Variants in SUMF1 observed in about 807,000 individuals in gnomAD.
The protein encoded by SUMF1 is sulfatase modifying factor 1.
A neutral mutation model predicts 47.6 loss-of-function variants in SUMF1; 48 were observed. The observed-to-expected ratio is 1.01, with a 90% CI of 0.80 to 1.28. The LOEUF is 1.28. Among genes scored for constraint, SUMF1 ranks in the 50% most tolerant of loss-of-function variants. SUMF1 has a pLI of 0.00. For synonymous variants in SUMF1, 230 were observed against 192.1 expected (o/e 1.20, Z -1.63); for missense variants, 571 against 485.4 (o/e 1.18, Z -1.66).
At chr3:4,113,767 A>G (rs1342877464) in intron 8 of SUMF1, among the ~76,000 whole-genome samples, 1 of 152,056 alleles carries the variant, frequency 6.6e-6, no homozygotes, top group Non-Finnish European at 1.5e-5. Flanking sequence ...CCACTCCCAG[A>G]TCAGGATCAG....
rs79047813 is a variant in SUMF1 at position 4,119,930 on chromosome 3, A to G, written c.1015-51185T>C. On this transcript the variant is annotated intron_variant and NMD_transcript_variant, in intron 8 of 12. Transcript: ENST00000448413. ...AAAAAAGTTGCAATATTGTTACACTATCACTCCTTTATACTTGAACTTACA... is the reference window on the plus strand; with the variant it reads ...AAAAAAGTTGCAATATTGTTACACTGTCACTCCTTTATACTTGAACTTACA... Among the ~76,000 whole-genome samples the G allele has an allele frequency of 3.2e-3, 492 of 152,236 alleles. 14 individuals carry two copies. Among genetic ancestry groups the G allele is most frequent in the African/African-American group, 0.011 (461 of 41,502 alleles).
At chr3:4,147,626 C>T (rs1694225883) in intron 8 of SUMF1, among the ~76,000 whole-genome samples, 1 of 152,054 alleles carries the variant, frequency 6.6e-6, no homozygotes, top group Non-Finnish European at 1.5e-5. Flanking sequence ...AAGCTATGTG[C>T]CACACCTACA....
rs969392989 is a variant in SUMF1, at chr3:4,181,307, C to T, written c.1015-112562G>A. Among the ~76,000 whole-genome samples, 8 of 152,286 alleles carry T rather than the reference C, an allele frequency of 5.3e-5. No homozygotes were observed. In the East Asian group the frequency reaches 9.6e-4, roughly 18 times the overall value. Reference sequence around the variant, plus strand: ...CCTCATTCCTAGTTTGTACAACACCCGGATGAACCCTCTGCCAGCTCAGTG... The same window carrying T: ...CCTCATTCCTAGTTTGTACAACACCTGGATGAACCCTCTGCCAGCTCAGTG... On this transcript the variant is annotated intron_variant and NMD_transcript_variant, in intron 8 of 12. Transcript: ENST00000448413.
At chr3:4,145,876 T>C (rs964107494) in intron 8 of SUMF1, among the ~76,000 whole-genome samples, 2 of 152,136 alleles carry the variant, frequency 1.3e-5, no homozygotes, top group African/African-American at 4.8e-5. Flanking sequence ...TTTCCCCCCG[T>C]CTACAGCTTT....
At chr3:4,063,727 G>A (rs1017127917) in intron 9 of SUMF1, among the ~76,000 whole-genome samples, 1 of 151,996 alleles carries the variant, frequency 6.6e-6, no homozygotes, top group African/African-American at 2.4e-5. Context: ...AAGACACCAG[G>A]CACTATTCTA....
intron 8 of SUMF1, among the ~76,000 whole-genome samples, chr3:4,179,813 C>G (rs547773203): frequency 1.2e-4 from 18 of 152,204 alleles, no homozygotes; most frequent in African/African-American, 4.1e-4. Flanking sequence ...GGGCTAAGAT[C>G]CAGAATCTAC....
At position 4,189,355 on chromosome 3, in the gene SUMF1, G is replaced by A. The variant is rs369689640; in HGVS notation, c.1015-120610C>T. ...TAACTTTGTCCATTATGGCAAAGTTGGTGAATGCCTTTAAGTGATTCCAGG... is the reference window on the plus strand; with the variant it reads ...TAACTTTGTCCATTATGGCAAAGTTAGTGAATGCCTTTAAGTGATTCCAGG... On this transcript the variant is annotated intron_variant and NMD_transcript_variant, in intron 8 of 12. Coordinates refer to the SUMF1 transcript ENST00000448413. Among the ~76,000 whole-genome samples, 12 of 152,146 alleles carry A rather than the reference G, an allele frequency of 7.9e-5. 2 individuals are homozygous for A. Among genetic ancestry groups the A allele is most frequent in the Admixed American group, 6.5e-5 (1 of 15,280 alleles).
intron 9 of SUMF1, among the ~76,000 whole-genome samples, chr3:4,060,507 G>A (rs1355541679): frequency 6.6e-6 from 1 of 152,166 alleles, no homozygotes; most frequent in Non-Finnish European, 1.5e-5. Flanking sequence ...TGAAAGGCAT[G>A]AGATTACACT....
intron 8 of SUMF1, among the ~76,000 whole-genome samples, chr3:4,147,658 A>C (rs1238458163): frequency 6.6e-6 from 1 of 152,158 alleles, no homozygotes; most frequent in Non-Finnish European, 1.5e-5. Context: ...TTAGAAAATA[A>C]ACTATTGCCA....
intron 8 of SUMF1, among the ~76,000 whole-genome samples, chr3:4,202,449 T>A (rs1329427820): frequency 6.6e-6 from 1 of 152,068 alleles, no homozygotes; most frequent in Admixed American, 6.6e-5. Flanking sequence ...TTCTCTACCC[T>A]GTTCCATTGG....
intron 3 of SUMF1, among the ~76,000 whole-genome samples, chr3:4,425,006 C>G (rs1380028869): frequency 6.6e-6 from 1 of 152,180 alleles, no homozygotes; most frequent in Non-Finnish European, 1.5e-5. Flanking sequence ...CCAGTTGCAT[C>G]CTTCTTCTCC....
At chr3:4,217,960 T>TTAG (rs1241099207) in intron 8 of SUMF1, among the ~76,000 whole-genome samples, 1 of 152,066 alleles carries the variant, frequency 6.6e-6, no homozygotes, top group African/African-American at 2.4e-5. Flanking sequence ...CACCTTGAAA[T>TTAG]CCTGTTACTT....
In SUMF1 at chr3:4,336,479, C is replaced by A. The variant is rs574634908; in HGVS notation, c.1014+39851G>T. On this transcript the variant is annotated intron_variant and NMD_transcript_variant, in intron 8 of 12. Transcript: ENST00000448413. ...GGCTATGACACGGGTTGTGAAATTACAGTTATCTATTTGGGTACAAAAGGA... is the reference window on the plus strand; with the variant it reads ...GGCTATGACACGGGTTGTGAAATTAAAGTTATCTATTTGGGTACAAAAGGA... Among the ~76,000 whole-genome samples, 259 of 152,244 alleles carry A rather than the reference C, an allele frequency of 1.7e-3. 2 individuals are homozygous for A. The highest frequency in any genetic ancestry group is 4.8e-3 in the Admixed American group (73 of 15,296).
chr3:4,252,198 C>T (rs927701465), intron 8 of SUMF1, among the ~76,000 whole-genome samples: 3 of 152,176 alleles, frequency 2.0e-5, no homozygotes, highest in African/African-American at 7.2e-5. Flanking sequence ...ACTGTAGCTA[C>T]AAATGATGAC....
chr3:4,238,598 T>G (rs900463811), intron 8 of SUMF1, among the ~76,000 whole-genome samples: 2 of 152,222 alleles, frequency 1.3e-5, no homozygotes, highest in Non-Finnish European at 2.9e-5. Context: ...GTTCATATCC[T>G]TCACCTACTT....
intron 8 of SUMF1, among the ~76,000 whole-genome samples, chr3:4,237,427 T>C (rs1160104979): frequency 7.2e-5 from 11 of 152,190 alleles, no homozygotes. Flanking sequence ...GTATACCTTC[T>C]TTGATTATGT....
chr3:4,349,948 T>G (rs1258718423), intron 8 of SUMF1, among the ~76,000 whole-genome samples: 2 of 98,472 alleles, frequency 2.0e-5, no homozygotes, highest in African/African-American at 4.8e-5. Context: ...TGCATCCGGT[T>G]TTTTTTTTTA....
At chr3:4,117,484 C>T (rs1038107253) in intron 8 of SUMF1, among the ~76,000 whole-genome samples, 3 of 152,054 alleles carry the variant, frequency 2.0e-5, no homozygotes, top group Admixed American at 1.3e-4. Flanking sequence ...TTTTCTGGAA[C>T]TTGTTTTCTT....
At chr3:4,124,457 A>C (rs141955038) in intron 8 of SUMF1, among the ~76,000 whole-genome samples, 48 of 152,260 alleles carry the variant, frequency 3.2e-4, no homozygotes, top group African/African-American at 1.0e-3. Context: ...CAAATGTAAA[A>C]TTTTAATTGT....
Sources: gnomAD v4.1 joint callset for allele counts (sites outside exome capture counted in the v4.1 genomes callset) on GRCh38, gnomAD v4.1.1 for gene constraint, MANE v1.5 for transcripts, NCBI Gene and HGNC (gene_info 2026-07-23, HGNC 2026-07-21) for gene names.